The following PCDHGB2 variants were observed in gnomAD, a reference collection of about 807,000 sequenced individuals.
The protein encoded by PCDHGB2 is protocadherin gamma-B2.
PCDHGB2 carries 55 observed loss-of-function variants against 59.3 expected under a neutral mutation model. That is an observed-to-expected ratio of 0.93 (90% CI 0.75 to 1.16). The LOEUF (loss-of-function observed/expected upper bound fraction) is 1.16, where lower values mean the gene tolerates loss of function less well. Ranked by LOEUF, PCDHGB2 falls within the 50% of genes most tolerant of loss-of-function variation. PCDHGB2 has a pLI of 0.00. For synonymous variants in PCDHGB2, 516 were observed against 512.0 expected (o/e 1.01, Z -0.11); for missense variants, 1,228 against 1,198.5 (o/e 1.02, Z -0.36).
intron 1 of PCDHGB2, chr5:141,479,198 GA>G (rs1288699377): frequency 6.6e-6 from 1 of 152,304 alleles, no homozygotes; most frequent in African/African-American, 2.4e-5. Context: ...AGAAAATACA[GA>G]AAAGTATTTA....
chr5:141,384,934 G>A (rs750109041), intron 1 of PCDHGB2: 1 of 1,614,050 alleles, frequency 6.2e-7, no homozygotes, highest in Admixed American at 1.7e-5. Flanking sequence ...GGGCAGCCTT[G>A]AGCCCTCCGA....
chr5:141,478,026 C>T (rs1192406949), intron 1 of PCDHGB2: 2 of 1,614,062 alleles, frequency 1.2e-6, no homozygotes, highest in East Asian at 2.2e-5. Flanking sequence ...GTCCAAGACA[C>T]AGATTCACCC....
At chr5:141,369,404 T>C (rs1340022164) in intron 1 of PCDHGB2, among the ~76,000 whole-genome samples, 1 of 152,184 alleles carries the variant, frequency 6.6e-6, no homozygotes, top group Non-Finnish European at 1.5e-5. Flanking sequence ...GGGTGGTTCA[T>C]GACTATAATC....
intron 1 of PCDHGB2, chr5:141,385,340 C>A: frequency 6.4e-7 from 1 of 1,570,860 alleles, no homozygotes; most frequent in Non-Finnish European, 8.6e-7. Flanking sequence ...CCAGCCCTTC[C>A]TTTATTTCCA....
chr5:141,394,700 G>A (rs775789970), intron 1 of PCDHGB2: 1 of 1,613,138 alleles, frequency 6.2e-7, no homozygotes, highest in Non-Finnish European at 8.5e-7. Flanking sequence ...TGCGCACGGC[G>A]CGAGCCCTGC....
rs142628885 is a variant in PCDHGB2 at position 141,404,093 on chromosome 5, C to T, written c.2421+41537C>T. ...TGACCGAGACTCCGGGAAGAATGGT[C>T]AAGTTGTCTGTTCTATCCAGGAGAA... On this transcript the variant is annotated intron_variant, in intron 1 of 3. Coordinates refer to ENST00000522605, the MANE Select transcript of PCDHGB2 (RefSeq NM_018923.3). The T allele has an allele frequency of 9.4e-5, 152 of 1,613,326 alleles. 2 individuals carry two copies. In the East Asian group the frequency reaches 3.4e-3, roughly 36 times the overall value.
intron 1 of PCDHGB2, chr5:141,409,394 T>C: frequency 1.9e-6 from 3 of 1,614,008 alleles, no homozygotes; most frequent in Non-Finnish European, 2.5e-6. Flanking sequence ...TTATTCTTCT[T>C]CCAATAACTA....
intron 1 of PCDHGB2, chr5:141,409,602 C>T (rs940700383): frequency 6.2e-7 from 1 of 1,613,932 alleles, no homozygotes; most frequent in South Asian, 1.1e-5. Flanking sequence ...AACAACCCGC[C>T]AGGAGCCTCC....
At chr5:141,389,567 G>A in intron 1 of PCDHGB2, 1 of 1,613,250 alleles carries the variant, frequency 6.2e-7, no homozygotes, top group South Asian at 1.1e-5. Flanking sequence ...CACGGGTGCT[G>A]TACCCCGCGC....
At chr5:141,447,130 T>A (rs2098527397) in intron 1 of PCDHGB2, among the ~76,000 whole-genome samples, 1 of 152,146 alleles carries the variant, frequency 6.6e-6, no homozygotes, top group Admixed American at 6.6e-5. Context: ...TTTTTTTGTT[T>A]GTTTGTTTTT....
intron 1 of PCDHGB2, chr5:141,398,766 T>C (rs775055352): frequency 6.2e-6 from 10 of 1,613,844 alleles, no homozygotes; most frequent in Non-Finnish European, 7.6e-6. Flanking sequence ...TAGTCCTGAC[T>C]GCCTTGGACG....
intron 1 of PCDHGB2, among the ~76,000 whole-genome samples, chr5:141,459,561 C>T (rs912894386): frequency 2.6e-5 from 4 of 151,954 alleles, no homozygotes; most frequent in African/African-American, 7.3e-5. Context: ...GGATAAATAC[C>T]CCAAAACAGA....
chr5:141,405,822 T>C (rs1055689569), intron 1 of PCDHGB2, among the ~76,000 whole-genome samples: 2 of 151,888 alleles, frequency 1.3e-5, no homozygotes, highest in African/African-American at 4.8e-5. Flanking sequence ...CTGTCTGTAC[T>C]TAAGGTAGTA....
At chr5:141,483,009 C>G (rs538900128) in intron 1 of PCDHGB2, among the ~76,000 whole-genome samples, 1 of 152,060 alleles carries the variant, frequency 6.6e-6, no homozygotes, top group South Asian at 2.1e-4. Context: ...TGCTTGAACC[C>G]GGGAGGCAGA....
chr5:141,419,584 C>G, intron 1 of PCDHGB2: 1 of 1,611,800 alleles, frequency 6.2e-7, no homozygotes. Context: ...CCGCGCTCTT[C>G]GACACAGTGC....
chr5:141,477,066 T>C lies in PCDHGB2; in HGVS notation c.2422-17741T>C. ...CGGCTGGACTTCGAGGACACCAAAC[T>C]CCATGAGATTTACATCCAGGCCAAA... On this transcript the variant is annotated intron_variant, in intron 1 of 3. Coordinates refer to ENST00000522605, the MANE Select transcript of PCDHGB2 (RefSeq NM_018923.3). This position sits in a 1 kb window ranked among gnomAD's most constrained non-coding sequence, Gnocchi z 4.9. 6.2e-7 allele frequency: 1 copy of C among 1,614,148 alleles called. No homozygotes were observed. The highest frequency in any genetic ancestry group is 8.5e-7 in the Non-Finnish European group (1 of 1,180,028).
chr5:141,418,391 T>G, intron 1 of PCDHGB2: 1 of 1,614,010 alleles, frequency 6.2e-7, no homozygotes, highest in Non-Finnish European at 8.5e-7. Context: ...TAACGAGTAT[T>G]TCTCATTGGT....
chr5:141,462,668 T>C (rs778396861), intron 1 of PCDHGB2, among the ~76,000 whole-genome samples: 10 of 152,232 alleles, frequency 6.6e-5, no homozygotes, highest in Non-Finnish European at 1.5e-4. Flanking sequence ...CTTCATATTT[T>C]TCTTTAAATT....
chr5:141,403,333 C>G (rs376895778), intron 1 of PCDHGB2: 1 of 1,613,984 alleles, frequency 6.2e-7, no homozygotes, highest in South Asian at 1.1e-5. Context: ...CTGATATTAA[C>G]GACAGCGCCC....
Sources: allele counts gnomAD v4.1 joint callset (sites outside exome capture counted in the v4.1 genomes callset), GRCh38; gene constraint gnomAD v4.1.1; non-coding constraint Gnocchi (gnomAD v3.1); transcripts MANE v1.5; gene names NCBI Gene and HGNC (gene_info 2026-07-23, HGNC 2026-07-21).